The following KCNH1 variants were observed in gnomAD, a reference collection of about 807,000 sequenced individuals.
The protein encoded by KCNH1 is potassium voltage-gated channel subfamily H member 1, also known as voltage-gated delayed rectifier potassium channel KCNH1.
A neutral mutation model predicts 69.2 loss-of-function variants in KCNH1; 27 were observed. That is an observed-to-expected ratio of 0.39 (90% CI 0.29 to 0.54). The LOEUF is 0.54. Among genes scored for constraint, KCNH1 ranks in the 20% least tolerant of loss-of-function variants. The probability of loss-of-function intolerance (pLI) is 0.68; values close to 1 mark genes in which losing one functional copy is unlikely to be tolerated. For missense variants in KCNH1, 798 were observed against 1,261.6 expected (o/e 0.63, Z 5.57); for synonymous variants, 456 against 487.7 (o/e 0.93, Z 0.86).
intron 7 of KCNH1, among the ~76,000 whole-genome samples, chr1:210,902,278 C>G (rs1687012615): frequency 1.3e-5 from 2 of 152,328 alleles, no homozygotes; most frequent in South Asian, 4.1e-4. Context: ...AAAATAATTC[C>G]ATCAAGACAC....
chr1:210,818,651 G>A (rs567377007), intron 7 of KCNH1, among the ~76,000 whole-genome samples: 1 of 152,228 alleles, frequency 6.6e-6, no homozygotes, highest in East Asian at 1.9e-4. Context: ...TTTTTGCTAT[G>A]TTATTACTAT....
intron 6 of KCNH1, among the ~76,000 whole-genome samples, chr1:210,946,167 C>T (rs1687954398): frequency 6.6e-6 from 1 of 152,310 alleles, no homozygotes; most frequent in East Asian, 1.9e-4. Flanking sequence ...TCAGAGGAAT[C>T]GCATCATGAA....
intron 5 of KCNH1, among the ~76,000 whole-genome samples, chr1:211,043,838 A>C (rs960505641): frequency 6.6e-6 from 1 of 152,216 alleles, no homozygotes; most frequent in Non-Finnish European, 1.5e-5. Context: ...AAAAACAAAA[A>C]TCATATGACC....
intron 10 of KCNH1, among the ~76,000 whole-genome samples, chr1:210,705,651 C>T (rs1264023133): frequency 1.3e-5 from 2 of 152,200 alleles, no homozygotes; most frequent in Non-Finnish European, 2.9e-5. Context: ...GGAAAGTGCC[C>T]AGATGATGGA....
At chr1:210,831,020 A>G (rs1482623600) in intron 7 of KCNH1, among the ~76,000 whole-genome samples, 1 of 152,170 alleles carries the variant, frequency 6.6e-6, no homozygotes, top group Non-Finnish European at 1.5e-5. Context: ...GTCATTAAAA[A>G]CTGCTACAGA....
chr1:211,006,059 T>C, intron 6 of KCNH1, among the ~76,000 whole-genome samples: 1 of 152,130 alleles, frequency 6.6e-6, no homozygotes, highest in East Asian at 1.9e-4. Flanking sequence ...AACTAAAAAC[T>C]CATTGGATTA....
At chr1:210,943,142 CG>C (rs1293257570) in intron 6 of KCNH1, among the ~76,000 whole-genome samples, 2 of 151,976 alleles carry the variant, frequency 1.3e-5, no homozygotes, top group South Asian at 4.2e-4. Flanking sequence ...TTGGACAAGC[CG>C]CCATGAGGAT....
rs1316928123 is a variant in KCNH1, at chr1:211,028,178, T to C, written c.559-8922A>G. On this transcript the variant is annotated intron_variant, in intron 5 of 10. Transcript: ENST00000271751. ...TCACACTAGAAACCAATAAAGATAA[T>C]GGGAAAATATCCAAACACTTGAAAA... Among the ~76,000 whole-genome samples the C allele has an allele frequency of 3.3e-5, 5 of 151,932 alleles. No individual in the cohort carries two copies. In the East Asian group the frequency reaches 9.7e-4, roughly 29 times the overall value.
At chr1:210,927,171 C>A in intron 6 of KCNH1, among the ~76,000 whole-genome samples, 1 of 152,040 alleles carries the variant, frequency 6.6e-6, no homozygotes, top group East Asian at 1.9e-4. Flanking sequence ...AAAAACTTCC[C>A]CAGCCTTGCT....
chr1:210,705,392 C>G (rs1681883989), intron 10 of KCNH1, among the ~76,000 whole-genome samples: 1 of 152,164 alleles, frequency 6.6e-6, no homozygotes, highest in Non-Finnish European at 1.5e-5. Context: ...GGAGGTCAGA[C>G]AGAGAAAACT....
intron 7 of KCNH1, among the ~76,000 whole-genome samples, chr1:210,913,485 GT>G (rs1164775170): frequency 1.3e-5 from 2 of 152,012 alleles, no homozygotes; most frequent in Non-Finnish European, 2.9e-5. Flanking sequence ...CCAAAAAGTT[GT>G]TATACATCAT....
intron 6 of KCNH1, among the ~76,000 whole-genome samples, chr1:210,970,863 G>A (rs906847824): frequency 2.0e-5 from 3 of 151,988 alleles, no homozygotes; most frequent in African/African-American, 7.2e-5. Context: ...CTACAGAATG[G>A]GAGAAAATTT....
intron 6 of KCNH1, among the ~76,000 whole-genome samples, chr1:210,999,655 C>A (rs867801367): frequency 1.8e-4 from 28 of 152,334 alleles, no homozygotes; most frequent in Non-Finnish European, 4.0e-4. Flanking sequence ...TCCTCCCTAA[C>A]TCATTTTATG....
rs1479832271 is a variant in KCNH1 at position 211,070,431 on chromosome 1, ACAC to A, written c.558+12346_558+12348del. On this transcript the variant is annotated intron_variant, in intron 5 of 10. Transcript: ENST00000271751. ...AGACTCCACCTTTAAAAAAAAAAAAACACACACACACACACACACACACACACA... is the reference window on the plus strand; with the variant it reads ...AGACTCCACCTTTAAAAAAAAAAAAAACACACACACACACACACACACACA... Among the ~76,000 whole-genome samples the A allele has an allele frequency of 5.0e-5, 4 of 79,780 alleles. No individual in the cohort carries two copies. In the South Asian group the frequency reaches 1.6e-3, roughly 31 times the overall value. 52.3% of individuals were successfully genotyped at this position (79,780 alleles called of 152,430 possible).
intron 5 of KCNH1, 148 bp from the exon 6 acceptor site, chr1:211,019,404 T>C: frequency 3.3e-6 from 2 of 599,432 alleles, no homozygotes; most frequent in South Asian, 4.2e-5. Context: ...TATGGGAGAA[T>C]GAAAGTGAAC....
chr1:210,976,887 A>G (rs1213831856), intron 6 of KCNH1, among the ~76,000 whole-genome samples: 1 of 147,694 alleles, frequency 6.8e-6, no homozygotes, highest in Non-Finnish European at 1.5e-5. Flanking sequence ...CCATTGTGGA[A>G]GTCAGTGTGG....
chr1:210,771,448 G>A (rs77963083), intron 10 of KCNH1, among the ~76,000 whole-genome samples: 4,093 of 152,286 alleles, frequency 0.027, 195 homozygotes, highest in African/African-American at 0.093. Context: ...TTCCCAGAGC[G>A]ACTGATCCCT....
chr1:211,006,859 G>A (rs1363826182), intron 6 of KCNH1, among the ~76,000 whole-genome samples: 2 of 151,806 alleles, frequency 1.3e-5, no homozygotes, highest in African/African-American at 2.4e-5. Flanking sequence ...TCATAAAAAG[G>A]GAAAATCTAT....
At chr1:211,100,912 G>A (rs1173059100) in intron 3 of KCNH1, among the ~76,000 whole-genome samples, 1 of 152,190 alleles carries the variant, frequency 6.6e-6, no homozygotes, top group East Asian at 1.9e-4. Context: ...CCATTCACTG[G>A]TGAGTTCTTA....
Sources: allele counts gnomAD v4.1 joint callset (sites outside exome capture counted in the v4.1 genomes callset), GRCh38; gene constraint gnomAD v4.1.1; transcripts MANE v1.5; gene names NCBI Gene and HGNC (gene_info 2026-07-23, HGNC 2026-07-21).